ENPP2: variants seen among roughly 807,000 people sequenced by gnomAD.
ENPP2 encodes the protein ectonucleotide pyrophosphatase/phosphodiesterase 2.
A neutral mutation model predicts 120.2 loss-of-function variants in ENPP2; 51 were observed. The observed-to-expected ratio is 0.42, with a 90% CI of 0.34 to 0.54. The LOEUF is 0.54. Among genes scored for constraint, ENPP2 ranks in the 20% least tolerant of loss-of-function variants. The pLI is 0.04. For synonymous variants in ENPP2, 365 were observed against 366.4 expected, an observed-to-expected ratio of 1.00 and a Z score of 0.04; for missense variants, 920 against 1,066.5, an observed-to-expected ratio of 0.86 and a Z score of 1.91.
chr8:119,617,251 G>A lies in ENPP2; in HGVS notation c.578-8C>T, dbSNP rs771759316. On this transcript the variant is annotated splice_region_variant and splice_polypyrimidine_tract_variant and intron_variant, in intron 6 of 24. Transcript: ENST00000075322. ...AGTGTGTGCCACAAGACCCTGGAAA[G>A]AGAATTGCAAATATTAGAACAAGAG... The A allele has an allele frequency of 6.2e-7, 1 of 1,607,076 alleles. No homozygotes were observed. The highest frequency in any genetic ancestry group is 8.5e-7 in the Non-Finnish European group (1 of 1,173,652).
At chr8:119,639,878 T>A (rs1261363671), upstream of ENPP2, among the ~76,000 whole-genome samples, 1 of 152,190 alleles carries the variant, frequency 6.6e-6, no homozygotes, top group Non-Finnish European at 1.5e-5. Context: ...ATCTGAAAGT[T>A]GTTTAAATAT....
At chr8:119,580,223 C>T in intron 18 of ENPP2, 56 bp from the exon 19 acceptor site, 1 of 1,366,248 alleles carries the variant, frequency 7.3e-7, no homozygotes, top group Middle Eastern at 1.8e-4. Flanking sequence ...AATGTTCTTT[C>T]CCTCTGTGCC....
Position 119,570,751 on chromosome 8 carries a change from T to G in ENPP2, c.1871A>C (p.Glu624Ala). ...TGTCCAGAGTGGCATTAGGAATATTTCACTATAACCACTTTCAAAGTCAGT... is the reference window on the plus strand; with the variant it reads ...TGTCCAGAGTGGCATTAGGAATATTGCACTATAACCACTTTCAAAGTCAGT... ...YHTDFESGYSEIFLMPLWTSY... is the reference protein window; with the variant it reads ...YHTDFESGYSAIFLMPLWTSY... Residue 624 changes from glutamate to alanine, a missense_variant, in exon 20 of 25, where the codon GAA becomes GCA. Physicochemically the swap from Glu to Ala is moderately radical, Grantham distance 107. Transcript: ENST00000075322. The G allele has an allele frequency of 1.9e-6, 3 of 1,594,634 alleles. No individual in the cohort carries two copies. Among genetic ancestry groups the G allele is most frequent in the Non-Finnish European group, 2.6e-6 (3 of 1,168,452 alleles).
At chr8:119,609,921 G>A (rs766454055) in intron 8 of ENPP2, among the ~76,000 whole-genome samples, 28 of 152,050 alleles carry the variant, frequency 1.8e-4, no homozygotes, top group Non-Finnish European at 3.2e-4. Flanking sequence ...AAAAGTATAC[G>A]GTAGAATACA....
intron 1 of ENPP2, among the ~76,000 whole-genome samples, chr8:119,666,589 T>G (rs1208998591): frequency 6.6e-6 from 1 of 152,124 alleles, no homozygotes; most frequent in East Asian, 1.9e-4. Context: ...GAGACCAGCC[T>G]GACCAACATG....
chr8:119,598,919 G>A (rs921081466), intron 11 of ENPP2, among the ~76,000 whole-genome samples: 6 of 152,118 alleles, frequency 3.9e-5, no homozygotes, highest in African/African-American at 1.2e-4. Context: ...ATACCAATCC[G>A]TTTTGCCTAC....
intron 8 of ENPP2, 136 bp from the exon 9 acceptor site, chr8:119,608,113 A>AT (rs1040920821): frequency 1.9e-6 from 1 of 538,168 alleles, no homozygotes; most frequent in African/African-American, 1.9e-5. Context: ...ATTTGCAACC[A>AT]TTTATTTTCA....
chr8:119,665,064 A>G (rs970146545), intron 1 of ENPP2, among the ~76,000 whole-genome samples: 1 of 152,000 alleles, frequency 6.6e-6, no homozygotes, highest in Non-Finnish European at 1.5e-5. Flanking sequence ...CCGTGTTTAA[A>G]TCTCTCCTTT....
chr8:119,591,908 C>T (rs1254755046), intron 12 of ENPP2, among the ~76,000 whole-genome samples: 1 of 152,112 alleles, frequency 6.6e-6, no homozygotes, highest in African/African-American at 2.4e-5. Context: ...AAGTCTTTCC[C>T]ATTTGTTATA....
chr8:119,569,468 G>T, intron 20 of ENPP2, 98 bp from the exon 21 acceptor site: 1 of 1,112,820 alleles, frequency 9.0e-7, no homozygotes, highest in Non-Finnish European at 1.3e-6. Flanking sequence ...TATTCTGATT[G>T]ATAGTCTGAC....
chr8:119,596,044 G>A (rs1243122461), intron 11 of ENPP2: 3 of 1,573,694 alleles, frequency 1.9e-6, no homozygotes, highest in Non-Finnish European at 2.6e-6. Context: ...GAAGTCGTCT[G>A]TCCCTCTGAG....
At chr8:119,631,669 G>T (rs984454549) in intron 2 of ENPP2, among the ~76,000 whole-genome samples, 1 of 152,082 alleles carries the variant, frequency 6.6e-6, no homozygotes, top group Non-Finnish European at 1.5e-5. Flanking sequence ...CAATAGAGTG[G>T]AATATTCACT....
At chr8:119,666,755 G>T (rs779594704) in intron 1 of ENPP2, among the ~76,000 whole-genome samples, 1 of 147,560 alleles carries the variant, frequency 6.8e-6, no homozygotes, top group Non-Finnish European at 1.5e-5. Context: ...ATTCCAGCCT[G>T]GGCAAAAAGA....
At chr8:119,569,113 A>G (rs1814735345) in intron 21 of ENPP2, 122 bp downstream of exon 21, 2 of 923,174 alleles carry the variant, frequency 2.2e-6, no homozygotes, top group Admixed American at 2.5e-5. Context: ...ATAAAAATTC[A>G]TTTAGATAAT....
At chr8:119,577,267 A>ATGTAT (rs1235219387) in intron 19 of ENPP2, among the ~76,000 whole-genome samples, 4 of 152,372 alleles carry the variant, frequency 2.6e-5, no homozygotes, top group Admixed American at 1.3e-4. Flanking sequence ...AAGCCTTCAT[A>ATGTAT]TGTATTCAAA....
intron 1 of ENPP2, among the ~76,000 whole-genome samples, chr8:119,662,908 C>T (rs536659406): frequency 1.3e-5 from 2 of 152,148 alleles, no homozygotes; most frequent in African/African-American, 4.8e-5. Flanking sequence ...GTCAGGAGTT[C>T]GAGATCAGCC....
intron 11 of ENPP2, among the ~76,000 whole-genome samples, chr8:119,598,808 G>T (rs1378388462): frequency 2.0e-5 from 3 of 152,142 alleles, no homozygotes; most frequent in Non-Finnish European, 4.4e-5. Context: ...TCCATGGAAG[G>T]GAGTGTGCTC....
rs189675389 is a variant in ENPP2, at chr8:119,596,638, G to A, written c.973-2778C>T. 2.1e-3 allele frequency among the ~76,000 whole-genome samples: 313 copies of A among 152,278 alleles called. 1 individual carries two copies. The highest frequency in any genetic ancestry group is 6.7e-3 in the African/African-American group (278 of 41,558). Reference sequence around the variant, plus strand: ...ACAAATCAGGACTTTCAGCAGGAGAGAGAACTCACTGACAATTAAGGTTTT... The same window carrying A: ...ACAAATCAGGACTTTCAGCAGGAGAAAGAACTCACTGACAATTAAGGTTTT... On this transcript the variant is annotated intron_variant, in intron 11 of 24. Transcript: ENST00000075322.
At chr8:119,645,962 T>A (rs1817434674) in intron 1 of ENPP2, among the ~76,000 whole-genome samples, 1 of 152,070 alleles carries the variant, frequency 6.6e-6, no homozygotes, top group Non-Finnish European at 1.5e-5. Context: ...ATCTAATGAT[T>A]TTCCTTCTAA....
Sources: gnomAD v4.1 joint callset for allele counts (sites outside exome capture counted in the v4.1 genomes callset) on GRCh38, gnomAD v4.1.1 for gene constraint, MANE v1.5 for transcripts, NCBI Gene and HGNC (gene_info 2026-07-23, HGNC 2026-07-21) for gene names.